GABRA1: variants seen among roughly 807,000 people sequenced by gnomAD.
The protein encoded by GABRA1 is gamma-aminobutyric acid receptor subunit alpha-1.
A neutral mutation model predicts 48.9 loss-of-function variants in GABRA1; 9 were observed. The ratio of observed to expected loss-of-function variants is 0.18; its 90% confidence interval spans 0.11 to 0.32. The LOEUF (loss-of-function observed/expected upper bound fraction) is 0.32, where lower values mean the gene tolerates loss of function less well. Among genes scored for constraint, GABRA1 ranks in the 10% least tolerant of loss-of-function variants. The pLI is 1.00. For synonymous variants in GABRA1, 210 were observed against 198.7 expected (o/e 1.06, Z -0.48); for missense variants, 285 against 553.8 (o/e 0.51, Z 4.87).
rs180748562 is a variant in GABRA1, at chr5:161,884,739, T to A, written c.703+2038T>A. Among the ~76,000 whole-genome samples, 112 of 152,276 alleles carry A rather than the reference T, an allele frequency of 7.4e-4. 1 individual carries two copies. Among genetic ancestry groups the A allele is most frequent in the African/African-American group, 2.6e-3 (106 of 41,564 alleles). Reference sequence around the variant, plus strand: ...ATGTTGGGAAACAAATCAAATGCAGTAGTATGCAGGCATATATGTATGAAG... The same window carrying A: ...ATGTTGGGAAACAAATCAAATGCAGAAGTATGCAGGCATATATGTATGAAG... On this transcript the variant is annotated intron_variant, in intron 7 of 9. Transcript: ENST00000393943.
At chr5:161,887,833 C>G (rs552212771) in intron 7 of GABRA1, among the ~76,000 whole-genome samples, 5 of 152,052 alleles carry the variant, frequency 3.3e-5, no homozygotes, top group Admixed American at 6.6e-5. Flanking sequence ...AGTGCTTTCA[C>G]TCAGATTATG....
rs1334680872 is a variant in GABRA1 at position 161,899,954 on chromosome 5, A to G, written c.*2532A>G. On this transcript the variant is annotated 3_prime_UTR_variant, in exon 10 of 10. Transcript: ENST00000393943. ...AAAGCTAACATTATTCAATAATAAAATGGAATACTTGACTCTCTTTTCATG... is the reference window on the plus strand; with the variant it reads ...AAAGCTAACATTATTCAATAATAAAGTGGAATACTTGACTCTCTTTTCATG... The G allele has an allele frequency of 2.6e-5, 4 of 152,298 alleles. No individual in the cohort carries two copies. The East Asian group carries it at 7.7e-4, about 29-fold the overall frequency. The allele number at this position is 152,298 out of a possible 1,614,324, so 9.4% of individuals were successfully genotyped here.
chr5:161,891,460 CTTCT>C, intron 8 of GABRA1, among the ~76,000 whole-genome samples: 1 of 152,064 alleles, frequency 6.6e-6, no homozygotes, highest in Non-Finnish European at 1.5e-5. Flanking sequence ...AAAAGCAGAG[CTTCT>C]TTAAGTAGGG....
chr5:161,890,541 C>A (rs547762072), intron 7 of GABRA1, among the ~76,000 whole-genome samples: 3 of 152,072 alleles, frequency 2.0e-5, no homozygotes, highest in East Asian at 1.9e-4. Context: ...TGTTTCTGAC[C>A]CATTGGTCTA....
At chr5:161,880,426 A>C (rs1257898742) in intron 6 of GABRA1, among the ~76,000 whole-genome samples, 1 of 152,294 alleles carries the variant, frequency 6.6e-6, no homozygotes, top group African/African-American at 2.4e-5. Flanking sequence ...AGATTTGTAA[A>C]TCACATTTTA....
In GABRA1 at chr5:161,898,359, C is replaced by A. The variant is rs41315924; in HGVS notation, c.*937C>A. 0.037 allele frequency: 5,604 copies of A among 152,520 alleles called. 117 individuals carry two copies. The highest frequency in any genetic ancestry group is 0.057 in the South Asian group (274 of 4,818). 9.4% of individuals were successfully genotyped at this position (152,520 alleles called of 1,614,324 possible). A position where few individuals can be genotyped will look rare whatever the true frequency, so the allele number is the denominator to read the frequency against. ...TTGAATGTATTCTTTTATATAACTACATTAAAAGCTTTAGATTGAAATTTA... is the reference window on the plus strand; with the variant it reads ...TTGAATGTATTCTTTTATATAACTAAATTAAAAGCTTTAGATTGAAATTTA... On this transcript the variant is annotated 3_prime_UTR_variant, in exon 10 of 10. Transcript: ENST00000393943.
chr5:161,868,844 G>T (rs1344923830), intron 4 of GABRA1, among the ~76,000 whole-genome samples: 2 of 152,092 alleles, frequency 1.3e-5, no homozygotes, highest in Non-Finnish European at 2.9e-5. Flanking sequence ...TAGGCTTTTT[G>T]ATACACCTTC....
At chr5:161,852,093 A>G (rs1232769837) in intron 2 of GABRA1, among the ~76,000 whole-genome samples, 2 of 152,118 alleles carry the variant, frequency 1.3e-5, no homozygotes, top group Non-Finnish European at 2.9e-5. Context: ...ATAGTAAGTT[A>G]GAAGTAAAGA....
At chr5:161,893,096 G>A (rs1755194416) in intron 8 of GABRA1, among the ~76,000 whole-genome samples, 1 of 150,510 alleles carries the variant, frequency 6.6e-6, no homozygotes, top group South Asian at 2.1e-4. Flanking sequence ...TTTGTAGTAT[G>A]AGTACAACAC....
intron 1 of GABRA1, among the ~76,000 whole-genome samples, chr5:161,849,293 A>C (rs1219854337): frequency 6.6e-6 from 1 of 152,216 alleles, no homozygotes; most frequent in African/African-American, 2.4e-5. Context: ...GATCAACAAA[A>C]ATTAATAGGG....
chr5:161,865,839 C>CA, intron 4 of GABRA1, 51 bp downstream of exon 4: 1 of 1,493,840 alleles, frequency 6.7e-7, no homozygotes, highest in Non-Finnish European at 9.3e-7. Flanking sequence ...TAAAATTTAA[C>CA]TTTTCAAAGA....
intron 2 of GABRA1, among the ~76,000 whole-genome samples, chr5:161,851,390 A>C (rs551529999): frequency 6.6e-6 from 1 of 152,300 alleles, no homozygotes; most frequent in Non-Finnish European, 1.5e-5. Context: ...ATAACTAATA[A>C]AAGTGGACTA....
chr5:161,848,602 T>A (rs1409907183), intron 1 of GABRA1, 180 bp downstream of exon 1: 1 of 182,638 alleles, frequency 5.5e-6, no homozygotes, highest in Non-Finnish European at 1.1e-5. Flanking sequence ...AGGAGCCTGA[T>A]CCCACAGCAG....
intron 4 of GABRA1, among the ~76,000 whole-genome samples, chr5:161,867,575 T>G (rs1034045699): frequency 6.6e-6 from 1 of 152,242 alleles, no homozygotes; most frequent in African/African-American, 2.4e-5. Flanking sequence ...TCCTTCAACA[T>G]TTTTATAAGT....
intron 8 of GABRA1, among the ~76,000 whole-genome samples, chr5:161,893,974 T>G (rs895378697): frequency 1.3e-5 from 2 of 152,184 alleles, no homozygotes; most frequent in Admixed American, 6.5e-5. Context: ...TCTTAATTTA[T>G]GGACACATTT....
intron 3 of GABRA1, among the ~76,000 whole-genome samples, chr5:161,864,074 G>C (rs1451328131): frequency 6.6e-6 from 1 of 151,964 alleles, no homozygotes; most frequent in Non-Finnish European, 1.5e-5. Flanking sequence ...TATTAGAGAG[G>C]AAAGTATAAG....
At chr5:161,884,906 T>C (rs1183981385) in intron 7 of GABRA1, among the ~76,000 whole-genome samples, 1 of 152,126 alleles carries the variant, frequency 6.6e-6, no homozygotes, top group Non-Finnish European at 1.5e-5. Flanking sequence ...GAGGCCTTCC[T>C]CACCTTTGGC....
chr5:161,898,321 A>T lies in GABRA1; in HGVS notation c.*899A>T, dbSNP rs1407698598. On this transcript the variant is annotated 3_prime_UTR_variant, in exon 10 of 10. Transcript: ENST00000393943. ...TTTAGAGGGGCAAAAATATTTTGCA[A>T]GCTCTGGAATTGTTGAATGTATTCT... is the stretch of plus-strand genomic sequence containing the variant. The T allele has an allele frequency of 6.6e-6, 1 of 152,636 alleles. No homozygotes were observed. The highest frequency in any genetic ancestry group is 1.5e-5 in the Non-Finnish European group (1 of 68,010). The allele number at this position is 152,636 out of a possible 1,614,324, so 9.5% of individuals were successfully genotyped here.
rs1209402238 is a variant in GABRA1 at position 161,890,941 on chromosome 5, G to T, written c.747G>T (p.Lys249Asn). 1 of 1,613,502 alleles carries T rather than the reference G, an allele frequency of 6.2e-7. No homozygotes were observed. Among genetic ancestry groups the T allele is most frequent in the East Asian group, 2.2e-5 (1 of 44,830 alleles). Residue 249 changes from lysine (K) to asparagine (N), a missense_variant, in exon 8 of 10, where the codon AAG becomes AAT. Transcript: ENST00000393943. Reference protein sequence around the residue: ...VMTTHFHLKRKIGYFVIQTYL... With the variant: ...VMTTHFHLKRNIGYFVIQTYL... ...CCACTCATTTCCACTTGAAGAGAAA[G>T]ATTGGCTACTTTGTTATTCAAACAT... is the stretch of plus-strand genomic sequence containing the variant.
Sources: gnomAD v4.1 joint callset for allele counts (sites outside exome capture counted in the v4.1 genomes callset) on GRCh38, gnomAD v4.1.1 for gene constraint, MANE v1.5 for transcripts, NCBI Gene and HGNC (gene_info 2026-07-23, HGNC 2026-07-21) for gene names.